The following PFKFB1 variants were observed in gnomAD, a reference collection of about 807,000 sequenced individuals.
PFKFB1 encodes the protein 6-phosphofructo-2-kinase/fructose-2,6-biphosphatase 1.
In PFKFB1, 34 loss-of-function variants were observed where a neutral mutation model predicts 46.4. The observed-to-expected ratio is 0.73, with a 90% CI of 0.56 to 0.98. The LOEUF is 0.98. Ranked by LOEUF, PFKFB1 falls within the 50% of genes least tolerant of loss-of-function variation. The pLI, the probability that PFKFB1 is intolerant of heterozygous loss-of-function variation, is 0.00. For missense variants in PFKFB1, 393 were observed against 376.3 expected, an observed-to-expected ratio of 1.04 and a Z score of -0.37; for synonymous variants, 119 against 133.8, an observed-to-expected ratio of 0.89 and a Z score of 0.76.
At chrX:54,973,613 G>A (rs1934749045) in intron 1 of PFKFB1, among the ~76,000 whole-genome samples, 1 of 111,445 alleles carries the variant, frequency 9.0e-6, no homozygotes, top group Non-Finnish European at 1.9e-5. Flanking sequence ...TAGTCATTCA[G>A]GAGCAGGTTG....
rs749853340 is a variant in PFKFB1, at chrX:54,977,980, T to A, written c.98-14598A>T. On this transcript the variant is annotated intron_variant, in intron 1 of 13. Coordinates refer to ENST00000375006, the MANE Select transcript of PFKFB1 (RefSeq NM_002625.4). ...GTGAACCCTAAAGTAAACTATGGAC[T>A]CTGGGTGATAGCAATGTGTCAATGT... Among the ~76,000 whole-genome samples the A allele has an allele frequency of 2.7e-5, 3 of 110,685 alleles. No individual in the cohort carries two copies. In the South Asian group the frequency reaches 1.1e-3, roughly 42 times the overall value.
intron 10 of PFKFB1, among the ~76,000 whole-genome samples, chrX:54,942,828 G>T (rs1933684963): frequency 8.9e-6 from 1 of 111,820 alleles, no homozygotes. Context: ...TAACTAAATA[G>T]AATTTCAGAA....
intron 1 of PFKFB1, among the ~76,000 whole-genome samples, chrX:54,972,948 G>C (rs1934722675): frequency 9.0e-6 from 1 of 111,434 alleles, no homozygotes; most frequent in Non-Finnish European, 1.9e-5. Context: ...GTAGAATTCG[G>C]CTGTGAATCC....
intron 8 of PFKFB1, among the ~76,000 whole-genome samples, chrX:54,950,325 G>A (rs1185151723): frequency 1.8e-5 from 2 of 111,491 alleles, no homozygotes; most frequent in Non-Finnish European, 3.8e-5. Flanking sequence ...TTGTGCCCTC[G>A]GACACATCCC....
upstream of PFKFB1, among the ~76,000 whole-genome samples, chrX:54,997,644 C>T (rs1382345941): frequency 9.9e-5 from 11 of 111,432 alleles, no homozygotes; most frequent in East Asian, 1.4e-3. Context: ...GAGGGGAGAT[C>T]GACCACACAC....
At chrX:54,973,274 A>T (rs749477484) in intron 1 of PFKFB1, among the ~76,000 whole-genome samples, 1 of 110,375 alleles carries the variant, frequency 9.1e-6, no homozygotes, top group Admixed American at 9.6e-5. Flanking sequence ...AATTTTGTTG[A>T]TCCTTTCAAA....
intron 7 of PFKFB1, among the ~76,000 whole-genome samples, chrX:54,954,410 G>C (rs971526678): frequency 1.8e-5 from 2 of 111,848 alleles, no homozygotes; most frequent in Non-Finnish European, 3.8e-5. Context: ...CTACTCAGGA[G>C]GCTGAGACAG....
chrX:54,954,858 CCTT>C (rs1296149282), intron 7 of PFKFB1, among the ~76,000 whole-genome samples: 1 of 112,232 alleles, frequency 8.9e-6, no homozygotes, highest in Non-Finnish European at 1.9e-5. Flanking sequence ...ATAAAGCTGA[CCTT>C]CTAGATCTGT....
chrX:54,994,244 C>T (rs971844817), upstream of PFKFB1: 17 of 751,041 alleles, frequency 2.3e-5, no homozygotes, highest in East Asian at 9.2e-4. Flanking sequence ...GTGCAGAGGG[C>T]GAGAGGTTGG....
Position 54,956,211 on chromosome X carries a change from G to GAT in PFKFB1, c.579_580insAT (p.Leu194IlefsTer2). The GAT allele has an allele frequency of 1.7e-6, 2 of 1,211,367 alleles. No homozygotes were observed. Among genetic ancestry groups the GAT allele is most frequent in the Non-Finnish European group, 2.2e-6 (2 of 895,196 alleles). ...ACCTCATAGCACTCAATTCTCTTTA[G>GAT]AAAGTCTTCCAGAACCTTTTCCCGG... On this transcript the variant is annotated frameshift_variant, in exon 7 of 14. Transcript: ENST00000375006. LOFTEE classifies it high-confidence loss of function.
chrX:54,936,756 A>C (rs1430906368), intron 11 of PFKFB1, among the ~76,000 whole-genome samples: 1 of 112,062 alleles, frequency 8.9e-6, no homozygotes, highest in Non-Finnish European at 1.9e-5. Context: ...TCAAGTTCTC[A>C]AGTGCCCTGG....
At chrX:54,944,738 G>C (rs1213052696) in intron 10 of PFKFB1, among the ~76,000 whole-genome samples, 2 of 111,633 alleles carry the variant, frequency 1.8e-5, no homozygotes, top group Non-Finnish European at 3.8e-5. Flanking sequence ...AATACCTAAA[G>C]GAAAATGAGG....
intron 10 of PFKFB1, among the ~76,000 whole-genome samples, chrX:54,941,555 A>C (rs1933634691): frequency 1.8e-5 from 2 of 112,207 alleles, no homozygotes; most frequent in Non-Finnish European, 3.8e-5. Context: ...AGAAAAAAAC[A>C]AACAACCCCA....
chrX:54,934,904 A>G (rs1293573087), intron 12 of PFKFB1, 43 bp downstream of exon 12: 3 of 1,075,415 alleles, frequency 2.8e-6, no homozygotes, highest in Non-Finnish European at 3.9e-6. Context: ...CCATGCTCAT[A>G]GCCTCTATAT....
intron 10 of PFKFB1, among the ~76,000 whole-genome samples, chrX:54,942,761 T>TA (rs1339252182): frequency 9.0e-6 from 1 of 111,685 alleles, no homozygotes; most frequent in African/African-American, 3.3e-5. Flanking sequence ...AAAGGTGGAA[T>TA]AAAAAATGTA....
rs139743666 is a variant in PFKFB1, at chrX:54,951,992, G to A, written c.759C>T (p.Ser253=). Residue 253 remains serine (S), a synonymous_variant, in exon 8 of 14, where the codon TCC becomes TCT. Coordinates refer to ENST00000375006, the MANE Select transcript of PFKFB1 (RefSeq NM_002625.4). The stretch of plus-strand genomic sequence containing the variant: ...TCTCGCCATGTCGGCAAAGGTAGAT[G>A]GAGCGAGGTGTGACATGGATATTCA... The part of the protein sequence containing the change: ...YLMNIHVTPR[S]IYLCRHGESE... The A allele has an allele frequency of 7.4e-6, 9 of 1,211,021 alleles. No homozygotes were observed. Among genetic ancestry groups the A allele is most frequent in the Non-Finnish European group, 1.0e-5 (9 of 894,876 alleles).
chrX:54,956,361 C>T (rs1168596339), intron 6 of PFKFB1, 87 bp from the exon 7 acceptor site: 12 of 1,038,792 alleles, frequency 1.2e-5, no homozygotes, highest in African/African-American at 1.9e-5. Context: ...CCATTGAGTA[C>T]AAGATGCCTC....
rs1424178996 is a variant in PFKFB1, at chrX:54,971,783, C to T, written c.98-8401G>A. ...AAGTCAGGTAGCGTGATGCCTCCAGCTTTGTTCTTTTGGCTTAGGATTGAC... is the reference window on the plus strand; with the variant it reads ...AAGTCAGGTAGCGTGATGCCTCCAGTTTTGTTCTTTTGGCTTAGGATTGAC... On this transcript the variant is annotated intron_variant, in intron 1 of 13. Transcript: ENST00000375006. Among the ~76,000 whole-genome samples, 3 of 111,951 alleles carry T rather than the reference C, an allele frequency of 2.7e-5. No individual in the cohort carries two copies. The East Asian group carries it at 8.4e-4, about 31-fold the overall frequency.
chrX:54,954,686 T>C (rs924825955), intron 7 of PFKFB1, among the ~76,000 whole-genome samples: 1 of 111,828 alleles, frequency 8.9e-6, no homozygotes, highest in Non-Finnish European at 1.9e-5. Flanking sequence ...GCCCAGTTGG[T>C]TTACTGTCAC....
Sources: allele counts gnomAD v4.1 joint callset (sites outside exome capture counted in the v4.1 genomes callset), GRCh38; gene constraint gnomAD v4.1.1; transcripts MANE v1.5; gene names NCBI Gene and HGNC (gene_info 2026-07-23, HGNC 2026-07-21).